Variants in TFAP4 observed in about 807,000 individuals in gnomAD.
TFAP4 encodes the protein transcription factor AP-4.
In TFAP4, 7 loss-of-function variants were observed where a neutral mutation model predicts 40.4. The observed-to-expected ratio is 0.17, with a 90% CI of 0.10 to 0.33. The LOEUF (loss-of-function observed/expected upper bound fraction) is 0.33. TFAP4 is among the 10% of genes least tolerant of loss of function. The pLI is 1.00. For synonymous variants in TFAP4, 218 were observed against 181.4 expected (o/e 1.20, Z -1.62); for missense variants, 374 against 451.1 (o/e 0.83, Z 1.55).
Position 4,257,831 on chromosome 16 carries a change from G to C in TFAP4, c.*224C>G, listed in dbSNP as rs1204243108. On this transcript the variant is annotated 3_prime_UTR_variant, in exon 7 of 7. Transcript: ENST00000204517. ...CCCCCGGGGCCGAGGCCCCGCCCTG[G>C]GGTGCCGATGCTCCCACACGCTCTG... 6.4e-6 allele frequency: 3 copies of C among 471,532 alleles called. No individual in the cohort carries two copies. Among genetic ancestry groups the C allele is most frequent in the Non-Finnish European group, 1.1e-5 (3 of 268,658 alleles). 29.2% of individuals were successfully genotyped at this position (471,532 alleles called of 1,614,324 possible).
At chr16:4,262,113 G>T in intron 3 of TFAP4, 164 bp from the exon 4 acceptor site, 1 of 900,292 alleles carries the variant, frequency 1.1e-6, no homozygotes, top group Non-Finnish European at 1.7e-6. Context: ...AGAATGGGCT[G>T]CTTTACATAA....
At chr16:4,272,106 A>C (rs2053045000) in intron 1 of TFAP4, among the ~76,000 whole-genome samples, 1 of 147,874 alleles carries the variant, frequency 6.8e-6, no homozygotes. Flanking sequence ...CAACACCCAC[A>C]CGCGAGCACG....
At position 4,271,668 on chromosome 16, in the gene TFAP4, G is replaced by A. The variant is rs1192553939; in HGVS notation, c.89+990C>T. Among the ~76,000 whole-genome samples, 8 of 152,178 alleles carry A rather than the reference G, an allele frequency of 5.3e-5. No homozygotes were observed. The East Asian group carries it at 1.5e-3, about 29-fold the overall frequency. ...CCTCGGGCCACCCACCCGGCTGGGG[G>A]ACCCGACGCTTTCGGTTTACGGCAG... On this transcript the variant is annotated intron_variant, in intron 1 of 6. Coordinates refer to ENST00000204517, the MANE Select transcript of TFAP4 (RefSeq NM_003223.3).
Position 4,258,051 on chromosome 16 carries a change from G to GT in TFAP4, c.*3dup, listed in dbSNP as rs1567199331. ...CAGAAGGGAGAGGAGGGCTGGGGGG[G>GT]TAGTCAGGGAAGCTCCCCGTCCCCC... is the stretch of plus-strand genomic sequence containing the variant. On this transcript the variant is annotated 3_prime_UTR_variant, in exon 7 of 7. Coordinates refer to ENST00000204517, the MANE Select transcript of TFAP4 (RefSeq NM_003223.3). The GT allele has an allele frequency of 1.1e-5, 17 of 1,609,314 alleles. No homozygotes were observed. Among genetic ancestry groups the GT allele is most frequent in the Non-Finnish European group, 1.4e-5 (17 of 1,179,062 alleles).
chr16:4,264,592 G>A (rs2052976165), intron 1 of TFAP4: 1 of 152,414 alleles, frequency 6.6e-6, no homozygotes, highest in Non-Finnish European at 1.5e-5. Context: ...GGCAGAGAGG[G>A]GATGGTTTTA....
chr16:4,266,682 T>A (rs1016976355), intron 1 of TFAP4: 10 of 152,224 alleles, frequency 6.6e-5, no homozygotes, highest in African/African-American at 2.4e-4. Context: ...GATACTGCAC[T>A]GAATAAAGTG....
Position 4,257,970 on chromosome 16 carries a change from T to G in TFAP4, c.*85A>C. On this transcript the variant is annotated 3_prime_UTR_variant, in exon 7 of 7. Transcript: ENST00000204517. ...AATGACATCGTAATTTTGTAAAAAT[T>G]TCTCACTCATTCGCCCATGTCTCTC... 2 of 1,316,942 alleles carry G rather than the reference T, an allele frequency of 1.5e-6. No individual in the cohort carries two copies. The highest frequency in any genetic ancestry group is 2.1e-6 in the Non-Finnish European group (2 of 965,950). The allele number at this position is 1,316,942 out of a possible 1,614,324, so 81.6% of individuals were successfully genotyped here. A position where few individuals can be genotyped will look rare whatever the true frequency, so the allele number is the denominator to read the frequency against.
rs1381156530 is a variant in TFAP4, at chr16:4,260,634, G to C, written c.526-39C>G. On this transcript the variant is annotated intron_variant, in intron 4 of 6. Transcript: ENST00000204517. The stretch of plus-strand genomic sequence containing the variant: ...AACCTGGGCTCAGGGCCAAGGCCGG[G>C]AGCACACCCTGCCCTGTCAGTCTCA... 5 of 1,551,296 alleles carry C rather than the reference G, an allele frequency of 3.2e-6. No individual in the cohort carries two copies. The Middle Eastern group carries it at 9.1e-4, about 283-fold the overall frequency.
chr16:4,260,171 G>A lies in TFAP4; in HGVS notation c.741C>T (p.His247=). 6.2e-7 allele frequency: 1 copy of A among 1,602,176 alleles called. No individual in the cohort carries two copies. ...VPAPPPPPSH[H]INVVTMGPSS... is the part of the protein sequence containing the mutation. ...AGGGGCCCATGGTGACGACATTGAT[G>A]TGGTGGGAGGGAGGAGGAGGCGGTG... Residue 247 remains histidine, a synonymous_variant, in exon 6 of 7, where the codon CAC becomes CAT. Transcript: ENST00000204517.
At position 4,262,335 on chromosome 16, in the gene TFAP4, G is replaced by A. The variant is rs763047053; in HGVS notation, c.343C>T (p.Arg115Cys). The change falls in exon 3 of 7, where the codon CGC becomes TGC. Residue 115 changes from arginine to cysteine, a missense_variant. Arg to Cys is a radical substitution (Grantham distance 180). Transcript: ENST00000204517. ...AGGACAGGGCGCACCTGGATGAAGC[G>A]CTTGAGCTGTGTGTTCTGCTGCAAG... is the stretch of plus-strand genomic sequence containing the variant. ...RLLQQNTQLK[R>C]FIQELSGSSP... The A allele has an allele frequency of 2.4e-5, 38 of 1,614,078 alleles. No homozygotes were observed. The highest frequency in any genetic ancestry group is 1.6e-4 in the African/African-American group (12 of 74,934).
chr16:4,272,856 G>A lies in TFAP4; in HGVS notation c.-110C>T, dbSNP rs1393944924. 4.1e-6 allele frequency: 3 copies of A among 731,296 alleles called. No homozygotes were observed. Among genetic ancestry groups the A allele is most frequent in the African/African-American group, 1.9e-5 (1 of 53,780 alleles). 45.3% of individuals were successfully genotyped at this position (731,296 alleles called of 1,614,324 possible). On this transcript the variant is annotated 5_prime_UTR_variant, in exon 1 of 7. Transcript: ENST00000204517. Reference sequence around the variant, plus strand: ...GCCGGACGGAGGTGCAGAATCGGCCGGTCCCAGATGCTGGCGGCGGCGGCG... The same window carrying A: ...GCCGGACGGAGGTGCAGAATCGGCCAGTCCCAGATGCTGGCGGCGGCGGCG...
At chr16:4,266,688 A>T (rs2052999607) in intron 1 of TFAP4, 1 of 152,208 alleles carries the variant, frequency 6.6e-6, no homozygotes, top group South Asian at 2.1e-4. Flanking sequence ...GCACTGAATA[A>T]AGTGGATTTT....
In TFAP4 at chr16:4,262,758, C is replaced by T; in HGVS notation, c.90-57G>A. On this transcript the variant is annotated intron_variant, in intron 1 of 6. Coordinates refer to ENST00000204517, the MANE Select transcript of TFAP4 (RefSeq NM_003223.3). ...AGGCGCCCTCTTCATCATTCATCTC[C>T]AGAGGGCCCCAGTGGAAACTGCATC... 2.5e-6 allele frequency: 4 copies of T among 1,569,750 alleles called. No homozygotes were observed. In the South Asian group the frequency reaches 3.4e-5, roughly 13 times the overall value.
chr16:4,272,741 C>T lies in TFAP4; in HGVS notation c.6G>A (p.Glu2=). M[E]YFMVPTQKVP... ...CCTTCTGAGTGGGCACCATGAAATACTCCATAGCGATCGGCCCCCCTCCTC... is the reference window on the plus strand; with the variant it reads ...CCTTCTGAGTGGGCACCATGAAATATTCCATAGCGATCGGCCCCCCTCCTC... Residue 2 remains glutamate (E), a synonymous_variant, in exon 1 of 7, where the codon GAG becomes GAA. Transcript: ENST00000204517. 2 of 1,613,388 alleles carry T rather than the reference C, an allele frequency of 1.2e-6. No homozygotes were observed. Among genetic ancestry groups the T allele is most frequent in the Non-Finnish European group, 8.5e-7 (1 of 1,179,502 alleles).
chr16:4,257,984 C>A lies in TFAP4; in HGVS notation c.*71G>T. The A allele has an allele frequency of 6.9e-7, 1 of 1,458,784 alleles. No individual in the cohort carries two copies. Among genetic ancestry groups the A allele is most frequent in the South Asian group, 1.2e-5 (1 of 82,622 alleles). The allele number at this position is 1,458,784 out of a possible 1,614,324, so 90.4% of individuals were successfully genotyped here. On this transcript the variant is annotated 3_prime_UTR_variant, in exon 7 of 7. Transcript: ENST00000204517. ...TTTGTAAAAATTTCTCACTCATTCG[C>A]CCATGTCTCTCCCTGTGGCTGCCCC...
intron 1 of TFAP4, among the ~76,000 whole-genome samples, chr16:4,271,924 C>G (rs1008572869): frequency 6.6e-6 from 1 of 152,188 alleles, no homozygotes; most frequent in Non-Finnish European, 1.5e-5. Flanking sequence ...AACTACAGCT[C>G]CCGCGAGGCC....
chr16:4,269,829 AC>A (rs1390147485), intron 1 of TFAP4, among the ~76,000 whole-genome samples: 1 of 151,894 alleles, frequency 6.6e-6, no homozygotes, highest in Non-Finnish European at 1.5e-5. Flanking sequence ...AAACAAACAA[AC>A]AAACAAAACA....
rs1342331532 is a variant in TFAP4 at position 4,260,473 on chromosome 16, C to A, written c.648G>T (p.Gln216His). Residue 216 changes from glutamine (Q) to histidine (H), a missense_variant, in exon 5 of 7, where the codon CAG becomes CAT. Gln to His is a conservative substitution (Grantham distance 24, BLOSUM62 0). Around this residue, in one of 6 missense-constraint regions of TFAP4, gnomAD observed 161 missense variants for 154.2 expected, o/e 1.04. Transcript: ENST00000204517. ...TGCTCACCTGGGTCCGCAGCTGCTG[C>A]TGTTCCCGCTCCAGCTTCTCCTGGT... ...LLHQEKLERE[Q>H]QQLRTQLLPP... The A allele has an allele frequency of 6.3e-7, 1 of 1,598,584 alleles. No individual in the cohort carries two copies. Among genetic ancestry groups the A allele is most frequent in the Non-Finnish European group, 8.5e-7 (1 of 1,172,822 alleles).
At chr16:4,265,665 C>T (rs938177306) in intron 1 of TFAP4, 16 of 140,996 alleles carry the variant, frequency 1.1e-4, no homozygotes, top group African/African-American at 4.2e-4. Context: ...TCGCTGTAAT[C>T]GTGTAACTCT....
Sources: gnomAD v4.1 joint callset for allele counts (sites outside exome capture counted in the v4.1 genomes callset) on GRCh38, gnomAD v4.1.1 for gene constraint, gnomAD v4.1.1 regional missense constraint, MANE v1.5 for transcripts, NCBI Gene and HGNC (gene_info 2026-07-23, HGNC 2026-07-21) for gene names.